CEP152: variants seen among roughly 807,000 people sequenced by gnomAD.
CEP152 encodes the protein centrosomal protein 152.
A neutral mutation model predicts 188.9 loss-of-function variants in CEP152; 132 were observed. The observed-to-expected ratio is 0.70, with a 90% confidence interval of 0.61 to 0.81. The LOEUF is 0.81. CEP152 is among the 30% of genes least tolerant of loss of function. The probability of loss-of-function intolerance (pLI) is 0.00; values close to 1 mark genes in which losing one functional copy is unlikely to be tolerated. For synonymous variants in CEP152, 649 were observed against 666.6 expected, an observed-to-expected ratio of 0.97 and a Z score of 0.41; for missense variants, 1,914 against 1,969.8, an observed-to-expected ratio of 0.97 and a Z score of 0.54.
At chr15:48,772,015 C>G (rs1427202207) in intron 13 of CEP152, among the ~76,000 whole-genome samples, 2 of 152,182 alleles carry the variant, frequency 1.3e-5, no homozygotes, top group Non-Finnish European at 2.9e-5. Context: ...CATCCTAAGT[C>G]AGGGACTGTC....
chr15:48,804,828 T>C (rs1897877674), intron 2 of CEP152, among the ~76,000 whole-genome samples: 1 of 152,222 alleles, frequency 6.6e-6, no homozygotes, highest in Non-Finnish European at 1.5e-5. Flanking sequence ...ATCATGGCTT[T>C]CCATGATCTG....
In CEP152 at chr15:48,738,303, C is replaced by T. The variant is rs577873248; in HGVS notation, c.5079G>A (p.Pro1693=). The change falls in exon 27 of 27, where the codon CCG becomes CCA. Residue 1693 remains proline, a synonymous_variant. Transcript: ENST00000380950. The part of the protein sequence containing the change: ...CQQPSRKLIV[P]LSSQQDSGFD... The stretch of plus-strand genomic sequence containing the variant: ...AGCCACTATCTTGTTGGCTAGATAG[C>T]GGAACAATTAATTTTCTTGAAGGCT... 554 of 1,613,868 alleles carry T rather than the reference C, an allele frequency of 3.4e-4. 7 individuals carry two copies. In the South Asian group the frequency reaches 5.3e-3, roughly 16 times the overall value.
intron 12 of CEP152, among the ~76,000 whole-genome samples, chr15:48,777,583 A>T (rs981892898): frequency 2.6e-5 from 4 of 151,848 alleles, no homozygotes; most frequent in African/African-American, 9.7e-5. Flanking sequence ...TTTGCAATAC[A>T]AAATGCAAAT....
chr15:48,761,365 T>C (rs866492460), intron 18 of CEP152, among the ~76,000 whole-genome samples: 3 of 152,214 alleles, frequency 2.0e-5, no homozygotes, highest in Admixed American at 1.3e-4. Flanking sequence ...TCAAAAACTT[T>C]ACATTGAGTG....
chr15:48,793,384 C>A lies in CEP152; in HGVS notation c.769G>T (p.Glu257Ter). The A allele has an allele frequency of 6.2e-7, 1 of 1,613,924 alleles. No homozygotes were observed. Among genetic ancestry groups the A allele is most frequent in the Non-Finnish European group, 8.5e-7 (1 of 1,179,914 alleles). Residue 257 changes from glutamate to a stop codon, truncating the protein, a stop_gained, in exon 7 of 27, where the codon GAA (glutamate) becomes TAA (stop). Coordinates refer to ENST00000380950, the MANE Select transcript of CEP152 (RefSeq NM_001194998.2). LOFTEE classifies it high-confidence loss of function. ...AKERQLENLI[E>*]KLNESERQIR... ...TGACGTTCACTTTCATTTAACTTTT[C>A]AATTAAGTTCTCCAGTTGTCTCTCT...
In CEP152 at chr15:48,756,343, G is replaced by A. The variant is rs775177277; in HGVS notation, c.2905C>T (p.His969Tyr). 10 of 1,573,356 alleles carry A rather than the reference G, an allele frequency of 6.4e-6. No homozygotes were observed. The Admixed American group carries it at 1.5e-4, about 24-fold the overall frequency. The change falls in exon 20 of 27, where the codon CAC (histidine) becomes TAC (tyrosine). Residue 969 changes from histidine (H) to tyrosine (Y), a missense_variant. His to Tyr is a moderately conservative substitution (Grantham distance 83). Coordinates refer to ENST00000380950, the MANE Select transcript of CEP152 (RefSeq NM_001194998.2). ...TGCTCATTTTGTTCTTGGATTCTGT[G>A]GATTTCTTCTTGCTTTTCTTTGTTC... ...EWNKEKQEEI[H>Y]RIQEQNEQDY...
chr15:48,766,509 C>CA (rs1488004297), intron 17 of CEP152, among the ~76,000 whole-genome samples: 1 of 152,116 alleles, frequency 6.6e-6, no homozygotes, highest in East Asian at 1.9e-4. Flanking sequence ...CTACTCTAGC[C>CA]CCTCCAGCTT....
chr15:48,738,935 T>C lies in CEP152; in HGVS notation c.4447A>G (p.Ser1483Gly), dbSNP rs781013518. Residue 1483 changes from serine (S) to glycine (G), a missense_variant, in exon 27 of 27, where the codon AGT (serine) becomes GGT (glycine). Physicochemically the swap from Ser to Gly is moderately conservative, Grantham distance 56 (BLOSUM62 0). Transcript: ENST00000380950. ...GGAAGTGATTCAGAACCATTATCAC[T>C]GAGTAGGTCTTTCTTCTTGTGCAAA... Reference protein sequence around the residue: ...FGLHKKKDLLSDNGSESLPHS... With the variant: ...FGLHKKKDLLGDNGSESLPHS... 3 of 1,614,064 alleles carry C rather than the reference T, an allele frequency of 1.9e-6. No homozygotes were observed. The highest frequency in any genetic ancestry group is 1.1e-5 in the South Asian group (1 of 91,068).
intron 21 of CEP152, among the ~76,000 whole-genome samples, chr15:48,749,825 T>G (rs1179992177): frequency 1.3e-5 from 2 of 151,840 alleles, no homozygotes; most frequent in African/African-American, 4.8e-5. Flanking sequence ...GACAAACGTC[T>G]GTACTGGAAG....
intron 12 of CEP152, among the ~76,000 whole-genome samples, chr15:48,776,874 T>G (rs978627279): frequency 7.2e-5 from 11 of 152,058 alleles, no homozygotes; most frequent in Non-Finnish European, 4.4e-5. Context: ...ATTTTCTAAT[T>G]TTTTCATAAT....
Position 48,738,011 on chromosome 15 carries a change from T to C in CEP152, c.*238A>G, listed in dbSNP as rs924051738. 1 of 463,598 alleles carries C rather than the reference T, an allele frequency of 2.2e-6. No individual in the cohort carries two copies. Among genetic ancestry groups the C allele is most frequent in the African/African-American group, 1.9e-5 (1 of 51,402 alleles). 28.7% of individuals were successfully genotyped at this position (463,598 alleles called of 1,614,324 possible). The stretch of plus-strand genomic sequence containing the variant: ...GTCAATTTATAAGTATAAAAATAGA[T>C]GGTTTAGAAACCAAAAATAAGCACC... On this transcript the variant is annotated 3_prime_UTR_variant, in exon 27 of 27. Transcript: ENST00000380950.
At chr15:48,777,046 T>G (rs1305736567) in intron 12 of CEP152, among the ~76,000 whole-genome samples, 10 of 152,084 alleles carry the variant, frequency 6.6e-5, no homozygotes. Flanking sequence ...TACAAAATAC[T>G]TGGCCAGTAT....
At position 48,744,900 on chromosome 15, in the gene CEP152, G is replaced by T. The variant is rs773013405; in HGVS notation, c.3727C>A (p.Pro1243Thr). The T allele has an allele frequency of 1.2e-6, 2 of 1,608,648 alleles. No homozygotes were observed. The highest frequency in any genetic ancestry group is 2.7e-5 in the African/African-American group (2 of 74,816). The change falls in exon 23 of 27, where the codon CCA becomes ACA. Residue 1243 changes from proline to threonine, a missense_variant. By Grantham distance (38) the Pro-to-Thr change is conservative. Transcript: ENST00000380950. Reference protein sequence around the residue: ...EELQTLCKTPPRSLSAGAIEN... With the variant: ...EELQTLCKTPTRSLSAGAIEN... ...TTTAAAATAGTAAAAGTATACCTTG[G>T]TGGTGTTTTACAAAGTGTTTGCAAT...
In CEP152 at chr15:48,752,389, A is replaced by T. The variant is rs763102449; in HGVS notation, c.3426T>A (p.His1142Gln). ...QGDPGPAAGHHAQPLALQATE... is the reference protein window; with the variant it reads ...QGDPGPAAGHQAQPLALQATE... ...TTGCTTGTAAGGCCAAGGGCTGAGC[A>T]TGGTGTCCAGCAGCAGGTCCAGGGT... is the stretch of plus-strand genomic sequence containing the variant. Residue 1142 changes from histidine (H) to glutamine (Q), a missense_variant, in exon 21 of 27, where the codon CAT becomes CAA. Transcript: ENST00000380950. The T allele has an allele frequency of 1.1e-5, 17 of 1,613,912 alleles. No individual in the cohort carries two copies. The South Asian group carries it at 1.9e-4, about 18-fold the overall frequency.
At chr15:48,743,293 T>C (rs1002797567) in intron 24 of CEP152, among the ~76,000 whole-genome samples, 1 of 152,226 alleles carries the variant, frequency 6.6e-6, no homozygotes, top group African/African-American at 2.4e-5. Context: ...CCTGCTCTTT[T>C]TGTTAAAAAG....
rs368074217 is a variant in CEP152, at chr15:48,797,249, G to A, written c.540+52C>T. ...TTTCCTGAACACACACAAACATCAC[G>A]CAAATGCGTGTGCACACACACAAGT... is the stretch of plus-strand genomic sequence containing the variant. On this transcript the variant is annotated intron_variant, in intron 5 of 26. Transcript: ENST00000380950. 153 of 1,588,662 alleles carry A rather than the reference G, an allele frequency of 9.6e-5. No homozygotes were observed. The Middle Eastern group carries it at 1.3e-3, about 14-fold the overall frequency.
intron 22 of CEP152, 141 bp from the exon 23 acceptor site, chr15:48,745,133 C>G (rs929990649): frequency 1.4e-5 from 8 of 566,404 alleles, no homozygotes; most frequent in Non-Finnish European, 2.1e-5. Flanking sequence ...CCCTTAGAAA[C>G]CCTACTCAGA....
chr15:48,787,440 G>A (rs1896736593), intron 9 of CEP152, among the ~76,000 whole-genome samples: 1 of 151,222 alleles, frequency 6.6e-6, no homozygotes, highest in Non-Finnish European at 1.5e-5. Flanking sequence ...CGAAGTGCTG[G>A]GATTACAGGC....
chr15:48,782,341 AC>A, intron 10 of CEP152, 111 bp from the exon 11 acceptor site: 1 of 885,602 alleles, frequency 1.1e-6, no homozygotes, highest in South Asian at 1.4e-5. Flanking sequence ...GTTCTGCTTT[AC>A]TACTACTGTC....
Sources: gnomAD v4.1 joint callset for allele counts (sites outside exome capture counted in the v4.1 genomes callset) on GRCh38, gnomAD v4.1.1 for gene constraint, MANE v1.5 for transcripts, NCBI Gene and HGNC (gene_info 2026-07-23, HGNC 2026-07-21) for gene names.